MMS22L: variants seen among roughly 807,000 people sequenced by gnomAD.
MMS22L encodes the protein protein MMS22-like.
In MMS22L, 74 loss-of-function variants were observed where a neutral mutation model predicts 159.1. The ratio of observed to expected loss-of-function variants is 0.47; its 90% CI spans 0.39 to 0.56. The LOEUF is 0.56. Ranked by LOEUF, MMS22L falls within the 20% of genes least tolerant of loss-of-function variation. The pLI is 0.00. For missense variants in MMS22L, 1,351 were observed against 1,422.1 expected, an observed-to-expected ratio of 0.95 and a Z score of 0.80; for synonymous variants, 517 against 506.9, an observed-to-expected ratio of 1.02 and a Z score of -0.27.
chr6:97,151,819 TG>T lies in MMS22L; in HGVS notation c.3433del (p.Gln1145LysfsTer12). On this transcript the variant is annotated frameshift_variant, in exon 23 of 25. Transcript: ENST00000683635. LOFTEE classifies it high-confidence loss of function. Reference protein sequence around the residue: ...ENLQYMVKACQVGSEEEPSSQ... With the variant: ...ENLQYMVKACXVGSEEEPSSQ... ...GGAAGGTTCTTCTTCTGACCCCACT[TG>T]GCAGGCTTTTACCATGTATTGCAGG... The T allele has an allele frequency of 1.9e-6, 3 of 1,613,716 alleles. No individual in the cohort carries two copies. The highest frequency in any genetic ancestry group is 2.5e-6 in the Non-Finnish European group (3 of 1,179,694).
rs1813586114 is a variant in MMS22L, at chr6:97,254,578, G to A, written c.1098C>T (p.Arg366=). Residue 366 remains arginine, a synonymous_variant, in exon 10 of 25, where the codon CGC becomes CGT. Transcript: ENST00000683635. ...TTACCATTTCATCTGGTACTCCATG[G>A]CGATCAAACTTGTAAAATGATGCTA... is the stretch of plus-strand genomic sequence containing the variant. ...THVASFYKFD[R]HGVPDEMRKV... is the part of the protein sequence containing the mutation. The A allele has an allele frequency of 1.2e-6, 2 of 1,613,064 alleles. No individual in the cohort carries two copies. The highest frequency in any genetic ancestry group is 1.1e-5 in the South Asian group (1 of 90,902).
intron 14 of MMS22L, among the ~76,000 whole-genome samples, chr6:97,214,693 T>C (rs967552897): frequency 6.6e-6 from 1 of 150,504 alleles, no homozygotes; most frequent in African/African-American, 2.4e-5. Context: ...TTGTTTTTTT[T>C]TTTTTTTCAA....
At chr6:97,243,015 T>C (rs996492926) in intron 11 of MMS22L, among the ~76,000 whole-genome samples, 1 of 152,212 alleles carries the variant, frequency 6.6e-6, no homozygotes. Context: ...GATTCTTTGC[T>C]TTGTCTTCAC....
chr6:97,152,904 T>C (rs770142930), intron 22 of MMS22L, among the ~76,000 whole-genome samples: 46 of 151,548 alleles, frequency 3.0e-4, no homozygotes, highest in Non-Finnish European at 5.2e-4. Context: ...GGTGTGATGA[T>C]AGCTCACTCT....
chr6:97,193,372 T>C (rs1429958613), intron 14 of MMS22L, among the ~76,000 whole-genome samples: 1 of 152,200 alleles, frequency 6.6e-6, no homozygotes, highest in Non-Finnish European at 1.5e-5. Context: ...TGAAGTTGCT[T>C]GCCTGTGTCC....
At chr6:97,187,830 C>A (rs145478796) in intron 14 of MMS22L, among the ~76,000 whole-genome samples, 1 of 152,238 alleles carries the variant, frequency 6.6e-6, no homozygotes, top group South Asian at 2.1e-4. Flanking sequence ...TAGAATATTT[C>A]GCATAACTAC....
At chr6:97,209,637 A>G (rs1047228636) in intron 14 of MMS22L, among the ~76,000 whole-genome samples, 1 of 152,060 alleles carries the variant, frequency 6.6e-6, no homozygotes. Context: ...GCTGTTTAGT[A>G]ATCAACTATG....
At chr6:97,156,912 T>A (rs1801913153) in intron 22 of MMS22L, among the ~76,000 whole-genome samples, 1 of 152,172 alleles carries the variant, frequency 6.6e-6, no homozygotes, top group Non-Finnish European at 1.5e-5. Context: ...TTGGGGAGTA[T>A]GGCCATTTTC....
chr6:97,201,875 G>A (rs1449635112), intron 14 of MMS22L, among the ~76,000 whole-genome samples: 1 of 152,146 alleles, frequency 6.6e-6, no homozygotes, highest in East Asian at 1.9e-4. Context: ...TTTTCAACTG[G>A]TACACATCTT....
At chr6:97,184,804 C>G (rs1805056463) in intron 15 of MMS22L, among the ~76,000 whole-genome samples, 1 of 152,076 alleles carries the variant, frequency 6.6e-6, no homozygotes, top group South Asian at 2.1e-4. Context: ...ATAAGTCTAG[C>G]CTCAACCTAG....
At chr6:97,220,929 TA>T (rs1161456347) in intron 14 of MMS22L, among the ~76,000 whole-genome samples, 30 of 148,236 alleles carry the variant, frequency 2.0e-4, no homozygotes, top group Admixed American at 1.6e-3. Context: ...TAAGAATGGG[TA>T]AAAAAACCAT....
At chr6:97,214,130 C>G (rs1265590190) in intron 14 of MMS22L, among the ~76,000 whole-genome samples, 2 of 152,136 alleles carry the variant, frequency 1.3e-5, no homozygotes, top group African/African-American at 4.8e-5. Context: ...CATAATCAAA[C>G]AAGTCTATGA....
intron 9 of MMS22L, chr6:97,259,231 TCA>T (rs1814174794): frequency 6.6e-6 from 1 of 152,206 alleles, no homozygotes; most frequent in Non-Finnish European, 1.5e-5. Flanking sequence ...CCGTATCAGT[TCA>T]GATATCTTCC....
chr6:97,242,093 C>T (rs1218586706), intron 11 of MMS22L, among the ~76,000 whole-genome samples: 1 of 152,128 alleles, frequency 6.6e-6, no homozygotes, highest in South Asian at 2.1e-4. Flanking sequence ...GTAGAATGTT[C>T]TGTAAATATC....
chr6:97,269,057 TAA>T (rs980217946), intron 7 of MMS22L, among the ~76,000 whole-genome samples: 3 of 151,932 alleles, frequency 2.0e-5, no homozygotes, highest in Non-Finnish European at 4.4e-5. Context: ...TCCACAAGGA[TAA>T]AAGATATTTA....
chr6:97,248,774 G>A (rs1582785260), intron 10 of MMS22L, among the ~76,000 whole-genome samples: 1 of 151,824 alleles, frequency 6.6e-6, no homozygotes, highest in Non-Finnish European at 1.5e-5. Flanking sequence ...CAGGAGAATC[G>A]CTTGAACCCA....
intron 6 of MMS22L, chr6:97,271,784 AC>A (rs1815766316): frequency 6.6e-6 from 1 of 152,096 alleles, no homozygotes; most frequent in Non-Finnish European, 1.5e-5. Context: ...GGATCCCCCC[AC>A]CTCGACCACC....
At chr6:97,208,569 C>T (rs190026867) in intron 14 of MMS22L, among the ~76,000 whole-genome samples, 8 of 152,096 alleles carry the variant, frequency 5.3e-5, no homozygotes, top group African/African-American at 1.7e-4. Flanking sequence ...ATAGGGGAAA[C>T]TGTATATTTC....
At chr6:97,225,555 G>A (rs1810140027) in intron 14 of MMS22L, among the ~76,000 whole-genome samples, 1 of 150,466 alleles carries the variant, frequency 6.6e-6, no homozygotes, top group South Asian at 2.1e-4. Flanking sequence ...CACCATGTTG[G>A]CCAGGCTGGT....
Sources: allele counts gnomAD v4.1 joint callset (sites outside exome capture counted in the v4.1 genomes callset), GRCh38; gene constraint gnomAD v4.1.1; transcripts MANE v1.5; gene names NCBI Gene and HGNC (gene_info 2026-07-23, HGNC 2026-07-21).